The following CHRM3 variants were observed in gnomAD, a reference collection of about 807,000 sequenced individuals.
CHRM3 encodes cholinergic receptor muscarinic 3.
Under a neutral mutation model 41.8 loss-of-function variants are expected in CHRM3, and 11 were observed. The ratio of observed to expected loss-of-function variants is 0.26; its 90% confidence interval spans 0.17 to 0.44. CHRM3 has a LOEUF of 0.44. Ranked by LOEUF, CHRM3 falls within the 20% of genes least tolerant of loss-of-function variation. The probability of loss-of-function intolerance (pLI) is 1.00; values close to 1 mark genes in which losing one functional copy is unlikely to be tolerated. For missense variants in CHRM3, 571 were observed against 745.4 expected (o/e 0.77, Z 2.72); for synonymous variants, 297 against 301.4 (o/e 0.99, Z 0.15).
chr1:239,825,002 T>G (rs569566071), intron 5 of CHRM3, among the ~76,000 whole-genome samples: 97 of 152,376 alleles, frequency 6.4e-4, no homozygotes, highest in Non-Finnish European at 1.1e-3. Flanking sequence ...CATTCATTCA[T>G]GTATTTAACA....
At chr1:239,771,241 A>G (rs2841037) in intron 5 of CHRM3, among the ~76,000 whole-genome samples, 130,399 of 152,102 alleles carry the variant, frequency 0.86, 56,142 homozygotes, top group African/African-American at 0.9. Context: ...TCATCCAATT[A>G]TCATTCTCAA....
At chr1:239,446,333 A>G (rs1664154309) in intron 1 of CHRM3, among the ~76,000 whole-genome samples, 1 of 152,218 alleles carries the variant, frequency 6.6e-6, no homozygotes, top group East Asian at 1.9e-4. Flanking sequence ...TAAGAAATCA[A>G]ATTAGGAGCC....
intron 5 of CHRM3, among the ~76,000 whole-genome samples, chr1:239,740,459 G>GTTTTT (rs112715911): frequency 6.9e-6 from 1 of 145,564 alleles, no homozygotes; most frequent in East Asian, 2.0e-4. Context: ...ATTGAGGGTG[G>GTTTTT]TTTTTTTTTT....
intron 6 of CHRM3, among the ~76,000 whole-genome samples, chr1:239,835,737 A>T (rs1673260924): frequency 6.6e-6 from 1 of 152,148 alleles, no homozygotes; most frequent in South Asian, 2.1e-4. Context: ...CATGAAAATT[A>T]TTTCTCCGTG....
At chr1:239,614,489 A>G (rs1667416726) in intron 3 of CHRM3, among the ~76,000 whole-genome samples, 1 of 152,216 alleles carries the variant, frequency 6.6e-6, no homozygotes, top group Admixed American at 6.5e-5. Context: ...GCGATGGCAC[A>G]TATAATATGA....
At chr1:239,480,733 C>A (rs1666794234) in intron 1 of CHRM3, among the ~76,000 whole-genome samples, 2 of 151,478 alleles carry the variant, frequency 1.3e-5, no homozygotes, top group African/African-American at 4.8e-5. Context: ...ATTTTTTGTA[C>A]TTTTTTAGTA....
At chr1:239,484,236 G>A (rs190740592) in intron 1 of CHRM3, among the ~76,000 whole-genome samples, 186 of 152,290 alleles carry the variant, frequency 1.2e-3, no homozygotes, top group Non-Finnish European at 2.0e-3. Flanking sequence ...AAAGCTCACA[G>A]TCATGATGGA....
chr1:239,897,729 C>T (rs1370832010), intron 6 of CHRM3, among the ~76,000 whole-genome samples: 1 of 152,194 alleles, frequency 6.6e-6, no homozygotes, highest in African/African-American at 2.4e-5. Flanking sequence ...CCTCTCCCGC[C>T]TGCTTTTCAC....
chr1:239,910,317 GTGTA>G lies in CHRM3; in HGVS notation c.*1095_*1098del, dbSNP rs878900311. ...GTCATACACAGCAATATATATATAT[GTGTA>G]TATATATATATATGGCAAAGCAAAA... On this transcript the variant is annotated 3_prime_UTR_variant, in exon 7 of 7. Coordinates refer to ENST00000676153, the MANE Select transcript of CHRM3 (RefSeq NM_001375978.1). 1,320 of 127,696 alleles carry G rather than the reference GTGTA, an allele frequency of 0.01. 10 individuals carry two copies. Among genetic ancestry groups the G allele is most frequent in the Non-Finnish European group, 0.017 (911 of 52,910 alleles). 7.9% of individuals were successfully genotyped at this position (127,696 alleles called of 1,614,324 possible). A position where few individuals can be genotyped will look rare whatever the true frequency, so the allele number is the denominator to read the frequency against.
chr1:239,899,550 T>G (rs1404060111), intron 6 of CHRM3, among the ~76,000 whole-genome samples: 2 of 149,726 alleles, frequency 1.3e-5, no homozygotes, highest in African/African-American at 4.9e-5. Flanking sequence ...GCGGACCAAT[T>G]AGTGTGTGTG....
At chr1:239,674,939 T>G (rs985314923) in intron 4 of CHRM3, among the ~76,000 whole-genome samples, 1 of 152,138 alleles carries the variant, frequency 6.6e-6, no homozygotes, top group Non-Finnish European at 1.5e-5. Flanking sequence ...TTATTACTCC[T>G]CCTCGCTGTC....
intron 5 of CHRM3, among the ~76,000 whole-genome samples, chr1:239,798,173 C>G (rs1669941388): frequency 6.6e-6 from 1 of 152,156 alleles, no homozygotes; most frequent in Admixed American, 6.5e-5. Flanking sequence ...CTTCCTCTCC[C>G]TCCTGCTGTA....
In CHRM3 at chr1:239,608,131, A is replaced by T. The variant is rs536241702; in HGVS notation, c.-312-24093A>T. On this transcript the variant is annotated intron_variant, in intron 3 of 6. Transcript: ENST00000676153. ...CCCTATATCATAATAAATGTAAAAA[A>T]TTGCACTATATCCAATGTTAAATAT... Among the ~76,000 whole-genome samples the T allele has an allele frequency of 3.3e-5, 5 of 152,318 alleles. No individual in the cohort carries two copies. The South Asian group carries it at 1.0e-3, about 32-fold the overall frequency.
intron 1 of CHRM3, among the ~76,000 whole-genome samples, chr1:239,404,079 G>A (rs970337178): frequency 2.0e-5 from 3 of 149,488 alleles, no homozygotes; most frequent in Admixed American, 1.3e-4. Context: ...GGCGAATCAC[G>A]AGATCGAGAC....
At position 239,909,176 on chromosome 1, in the gene CHRM3, G is replaced by A; in HGVS notation, c.1725G>A (p.Gln575=). ...KKKRRKQQYQ[Q]RQSVIFHKRA... is the part of the protein sequence containing the mutation. ...AGAGGCGCAAGCAGCAGTACCAGCAGAGACAGTCGGTCATTTTTCACAAGC... is the reference window on the plus strand; with the variant it reads ...AGAGGCGCAAGCAGCAGTACCAGCAAAGACAGTCGGTCATTTTTCACAAGC... Residue 575 remains glutamine (Q), a synonymous_variant, in exon 7 of 7, where the codon CAG becomes CAA. Coordinates refer to ENST00000676153, the MANE Select transcript of CHRM3 (RefSeq NM_001375978.1). The A allele has an allele frequency of 6.2e-7, 1 of 1,613,644 alleles. No individual in the cohort carries two copies. The highest frequency in any genetic ancestry group is 8.5e-7 in the Non-Finnish European group (1 of 1,179,898).
intron 1 of CHRM3, among the ~76,000 whole-genome samples, chr1:239,417,588 T>G (rs1661600735): frequency 6.6e-6 from 1 of 151,118 alleles, no homozygotes; most frequent in Admixed American, 6.6e-5. Context: ...TGTTTTTTTT[T>G]TTTTTTTTGC....
intron 1 of CHRM3, among the ~76,000 whole-genome samples, chr1:239,458,291 T>C (rs1665102707): frequency 6.6e-6 from 1 of 152,158 alleles, no homozygotes; most frequent in African/African-American, 2.4e-5. Flanking sequence ...AATGAACAGA[T>C]GTGACTGTGT....
chr1:239,556,067 A>G (rs1337573933), intron 3 of CHRM3, among the ~76,000 whole-genome samples: 14 of 152,234 alleles, frequency 9.2e-5, no homozygotes, highest in Admixed American at 9.2e-4. Context: ...CGTTGCAATG[A>G]TAGACAAAGT....
intron 3 of CHRM3, among the ~76,000 whole-genome samples, chr1:239,600,797 T>TTTCC (rs377366936): frequency 0.013 from 2,020 of 150,552 alleles, 43 homozygotes; most frequent in African/African-American, 0.046. Flanking sequence ...CTTCCTTTTC[T>TTTCC]TTCCTTCCTT....
Sources: allele counts gnomAD v4.1 joint callset (sites outside exome capture counted in the v4.1 genomes callset), GRCh38; gene constraint gnomAD v4.1.1; transcripts MANE v1.5; gene names NCBI Gene and HGNC (gene_info 2026-07-23, HGNC 2026-07-21).